Variants in CAMK1D observed in about 807,000 individuals in gnomAD.
CAMK1D encodes calcium/calmodulin dependent protein kinase ID, also known as calcium/calmodulin-dependent protein kinase type 1D.
In CAMK1D, 9 loss-of-function variants were observed where a neutral mutation model predicts 47.7. The ratio of observed to expected loss-of-function variants is 0.19; its 90% CI spans 0.11 to 0.33. The LOEUF is 0.33. CAMK1D is among the 10% of genes least tolerant of loss of function. CAMK1D has a pLI of 1.00. For synonymous variants in CAMK1D, 184 were observed against 184.9 expected (o/e 0.99, Z 0.04); for missense variants, 291 against 488.7 (o/e 0.60, Z 3.81).
chr10:12,808,547 C>G (rs1832461704), intron 6 of CAMK1D, among the ~76,000 whole-genome samples: 1 of 152,096 alleles, frequency 6.6e-6, no homozygotes, highest in Non-Finnish European at 1.5e-5. Context: ...GGAGGCCGAG[C>G]TGGGTGGGTC....
chr10:12,689,259 C>T (rs1439206544), intron 3 of CAMK1D, among the ~76,000 whole-genome samples: 2 of 152,196 alleles, frequency 1.3e-5, no homozygotes, highest in African/African-American at 4.8e-5. Flanking sequence ...CACCCCTGCT[C>T]TTTCAAGCAA....
intron 1 of CAMK1D, among the ~76,000 whole-genome samples, chr10:12,455,195 A>AG (rs944950277): frequency 1.3e-5 from 2 of 152,088 alleles, no homozygotes; most frequent in Admixed American, 1.3e-4. Context: ...ATAAGGATAG[A>AG]GGGTCTTGCT....
intron 3 of CAMK1D, among the ~76,000 whole-genome samples, chr10:12,717,060 T>A (rs958923135): frequency 2.9e-4 from 44 of 152,242 alleles, no homozygotes; most frequent in African/African-American, 9.4e-4. Flanking sequence ...AGTAGTCCAG[T>A]GATAATGTAC....
chr10:12,699,391 G>GTGTTT (rs1833422416), intron 3 of CAMK1D, among the ~76,000 whole-genome samples: 1 of 152,072 alleles, frequency 6.6e-6, no homozygotes, highest in South Asian at 2.1e-4. Context: ...TGGGAAAGCC[G>GTGTTT]TGTTTTGTTT....
chr10:12,477,058 A>G (rs1239521870), intron 1 of CAMK1D, among the ~76,000 whole-genome samples: 4 of 152,026 alleles, frequency 2.6e-5, no homozygotes, highest in African/African-American at 9.7e-5. Flanking sequence ...AGCTTGAGGG[A>G]TTATGGAGTC....
intron 2 of CAMK1D, among the ~76,000 whole-genome samples, chr10:12,659,177 A>G (rs1485610585): frequency 6.6e-6 from 1 of 152,228 alleles, no homozygotes; most frequent in Non-Finnish European, 1.5e-5. Flanking sequence ...CAAGTGGGAT[A>G]AGGGAACTTT....
intron 3 of CAMK1D, among the ~76,000 whole-genome samples, chr10:12,674,599 C>CTGTTTTTTTTTT (rs1840736553): frequency 3.2e-5 from 2 of 63,472 alleles, no homozygotes; most frequent in Non-Finnish European, 5.6e-5. Flanking sequence ...TGGAAAAATG[C>CTGTTTTTTTTTT]TTTTTTTTTT....
chr10:12,376,857 T>C (rs1370795864), intron 1 of CAMK1D, among the ~76,000 whole-genome samples: 2 of 151,324 alleles, frequency 1.3e-5, no homozygotes, highest in African/African-American at 4.9e-5. Flanking sequence ...GCCTCCTAGG[T>C]TCAAGCGATT....
intron 1 of CAMK1D, among the ~76,000 whole-genome samples, chr10:12,539,972 A>G (rs577931745): frequency 1.4e-4 from 21 of 152,286 alleles, no homozygotes; most frequent in Admixed American, 3.3e-4. Context: ...CTGGAGTGCA[A>G]TGGTGATCAT....
intron 5 of CAMK1D, among the ~76,000 whole-genome samples, chr10:12,781,568 G>T (rs1302165477): frequency 1.3e-5 from 2 of 152,150 alleles, no homozygotes; most frequent in African/African-American, 4.8e-5. Context: ...TACCAGTATG[G>T]TGCTTTCATG....
At chr10:12,769,831 G>A (rs777255977) in intron 5 of CAMK1D, 32 bp downstream of exon 5, 51 of 1,605,918 alleles carry the variant, frequency 3.2e-5, no homozygotes, top group Admixed American at 1.3e-4. Context: ...ACATGTGCCC[G>A]TGTGTGTGTG....
intron 2 of CAMK1D, among the ~76,000 whole-genome samples, chr10:12,611,536 G>C (rs369876413): frequency 6.8e-6 from 1 of 148,094 alleles, no homozygotes; most frequent in South Asian, 2.2e-4. Context: ...CCTGCCCACT[G>C]AATGAAACCT....
chr10:12,468,442 G>A (rs1170510840), intron 1 of CAMK1D, among the ~76,000 whole-genome samples: 7 of 152,236 alleles, frequency 4.6e-5, no homozygotes, highest in African/African-American at 1.4e-4. Context: ...GGCCACAGGG[G>A]CGGAGGTGGA....
rs551871633 is a variant in CAMK1D, at chr10:12,417,118, A to G, written c.92+67208A>G. ...AGTACTTGTCTCTCATAGAACATCCATGGGAGGAACTTACCTCAGTGCCTG... is the reference window on the plus strand; with the variant it reads ...AGTACTTGTCTCTCATAGAACATCCGTGGGAGGAACTTACCTCAGTGCCTG... On this transcript the variant is annotated intron_variant, in intron 1 of 10. Transcript: ENST00000619168. 9.8e-5 allele frequency among the ~76,000 whole-genome samples: 15 copies of G among 152,306 alleles called. No individual in the cohort carries two copies. The South Asian group carries it at 3.1e-3, about 32-fold the overall frequency.
chr10:12,818,236 C>T (rs139297786), intron 8 of CAMK1D, among the ~76,000 whole-genome samples: 2 of 152,328 alleles, frequency 1.3e-5, no homozygotes, highest in East Asian at 3.9e-4. Context: ...GACCCCATTT[C>T]ACAGTATTTC....
At chr10:12,451,833 T>C (rs1330829533) in intron 1 of CAMK1D, among the ~76,000 whole-genome samples, 1 of 152,016 alleles carries the variant, frequency 6.6e-6, no homozygotes, top group Non-Finnish European at 1.5e-5. Context: ...GAGCTAAGGC[T>C]TCTGGAAGAT....
chr10:12,383,836 A>G (rs764795880), intron 1 of CAMK1D, among the ~76,000 whole-genome samples: 2 of 152,186 alleles, frequency 1.3e-5, no homozygotes, highest in Non-Finnish European at 1.5e-5. Context: ...CCCCCATTCA[A>G]CTTTGTAGTG....
intron 1 of CAMK1D, among the ~76,000 whole-genome samples, chr10:12,507,293 T>C (rs1447256814): frequency 6.6e-6 from 1 of 152,162 alleles, no homozygotes; most frequent in East Asian, 1.9e-4. Context: ...CTAGTGGCAG[T>C]AGGTTTCTTA....
chr10:12,395,431 C>T (rs935338710), intron 1 of CAMK1D, among the ~76,000 whole-genome samples: 9 of 152,186 alleles, frequency 5.9e-5, no homozygotes, highest in African/African-American at 2.2e-4. Context: ...CACCAGTCAC[C>T]TCATTAGCCC....
Sources: allele counts gnomAD v4.1 joint callset (sites outside exome capture counted in the v4.1 genomes callset), GRCh38; gene constraint gnomAD v4.1.1; transcripts MANE v1.5; gene names NCBI Gene and HGNC (gene_info 2026-07-23, HGNC 2026-07-21).